The following C10orf90 variants were observed in gnomAD, a reference collection of about 807,000 sequenced individuals.
The protein encoded by C10orf90 is (E2-independent) E3 ubiquitin-conjugating enzyme FATS.
In C10orf90, 56 loss-of-function variants were observed where a neutral mutation model predicts 62.5. That is an observed-to-expected ratio of 0.90 (90% CI 0.72 to 1.12). The LOEUF (loss-of-function observed/expected upper bound fraction) is 1.12, where lower values mean the gene tolerates loss of function less well. Among genes scored for constraint, C10orf90 ranks in the 50% most tolerant of loss-of-function variants. The pLI is 0.00. For missense variants in C10orf90, 970 were observed against 880.4 expected (o/e 1.10, Z -1.29); for synonymous variants, 386 against 340.4 (o/e 1.13, Z -1.47).
intron 2 of C10orf90, among the ~76,000 whole-genome samples, chr10:126,527,866 A>G (rs1445539033): frequency 6.6e-6 from 1 of 152,248 alleles, no homozygotes; most frequent in Non-Finnish European, 1.5e-5. Context: ...TGGTCCAGGT[A>G]TCAAAGTCAC....
chr10:126,640,292 G>C (rs1380867550), intron 2 of C10orf90, among the ~76,000 whole-genome samples: 2 of 152,348 alleles, frequency 1.3e-5, no homozygotes, highest in East Asian at 3.9e-4. Flanking sequence ...GTTGCTCAAA[G>C]CTCTTGAAGA....
In C10orf90 at chr10:126,606,198, C is replaced by T. The variant is rs372912896; in HGVS notation, c.313+40367G>A. Reference sequence around the variant, plus strand: ...CAAGACAATACCCTCAGGAATTGTACTGATGCATTAATTAAACGAATGATT... The same window carrying T: ...CAAGACAATACCCTCAGGAATTGTATTGATGCATTAATTAAACGAATGATT... On this transcript the variant is annotated intron_variant, in intron 2 of 9. Transcript: ENST00000488181. 5.3e-5 allele frequency among the ~76,000 whole-genome samples: 8 copies of T among 152,240 alleles called. No homozygotes were observed. The South Asian group carries it at 1.2e-3, about 24-fold the overall frequency.
At chr10:126,595,332 T>C (rs1243001687) in intron 2 of C10orf90, among the ~76,000 whole-genome samples, 1 of 152,218 alleles carries the variant, frequency 6.6e-6, no homozygotes, top group East Asian at 1.9e-4. Flanking sequence ...GTTGGGCTTT[T>C]CCACTGAGAT....
intron 2 of C10orf90, among the ~76,000 whole-genome samples, chr10:126,522,389 T>A (rs977120502): frequency 2.0e-5 from 3 of 152,238 alleles, no homozygotes; most frequent in African/African-American, 7.2e-5. Flanking sequence ...ACTTATTGCC[T>A]TTCCAATGAA....
intron 2 of C10orf90, among the ~76,000 whole-genome samples, chr10:126,604,236 C>T (rs1272839240): frequency 2.6e-5 from 4 of 152,180 alleles, no homozygotes; most frequent in South Asian, 4.1e-4. Flanking sequence ...CTGCCGGACT[C>T]ATTCTCAGTC....
intron 4 of C10orf90, chr10:126,469,917 G>A (rs774345222): frequency 7.7e-5 from 35 of 456,664 alleles, no homozygotes; most frequent in Non-Finnish European, 1.5e-4. Flanking sequence ...AGAGGCTGCT[G>A]CAGAGGGGAA....
chr10:126,611,956 A>C (rs1322133674), intron 2 of C10orf90, among the ~76,000 whole-genome samples: 4 of 152,158 alleles, frequency 2.6e-5, no homozygotes, highest in Non-Finnish European at 5.9e-5. Flanking sequence ...TTAAACTTTA[A>C]ATTTATTTTA....
At chr10:126,644,793 G>C (rs1020262771) in intron 2 of C10orf90, among the ~76,000 whole-genome samples, 35 of 152,336 alleles carry the variant, frequency 2.3e-4, no homozygotes, top group African/African-American at 8.2e-4. Flanking sequence ...CCACCTCTGA[G>C]TGCTCTGAGG....
chr10:126,609,972 G>A (rs944009379), intron 2 of C10orf90, among the ~76,000 whole-genome samples: 1 of 152,156 alleles, frequency 6.6e-6, no homozygotes, highest in African/African-American at 2.4e-5. Context: ...CCTGTACCTG[G>A]AGCCTTCCCA....
At chr10:126,517,101 T>C (rs1326276619) in intron 2 of C10orf90, among the ~76,000 whole-genome samples, 1 of 152,116 alleles carries the variant, frequency 6.6e-6, no homozygotes, top group Admixed American at 6.6e-5. Context: ...ATGAACATCT[T>C]TGGGGGTGGA....
intron 2 of C10orf90, among the ~76,000 whole-genome samples, chr10:126,627,883 C>T (rs1010576191): frequency 2.0e-5 from 3 of 152,148 alleles, no homozygotes. Flanking sequence ...CCTCTGTGCC[C>T]GGCTATAAAG....
chr10:126,547,086 G>A (rs1864510540), intron 2 of C10orf90, among the ~76,000 whole-genome samples: 1 of 151,972 alleles, frequency 6.6e-6, no homozygotes, highest in South Asian at 2.1e-4. Flanking sequence ...TCCAGACTGG[G>A]CAACAGAGCG....
chr10:126,662,871 C>T (rs977842511), intron 1 of C10orf90, among the ~76,000 whole-genome samples: 16 of 151,544 alleles, frequency 1.1e-4, no homozygotes, highest in Middle Eastern at 3.4e-3. Context: ...TGGGTGCCTC[C>T]GTGCATTCTT....
chr10:126,574,114 C>G (rs1564878114), intron 2 of C10orf90, among the ~76,000 whole-genome samples: 1 of 152,122 alleles, frequency 6.6e-6, no homozygotes, highest in African/African-American at 2.4e-5. Context: ...TGAGGATGCC[C>G]TTCAATGCAA....
intron 2 of C10orf90, among the ~76,000 whole-genome samples, chr10:126,596,386 AAAC>A (rs1391106685): frequency 6.6e-6 from 1 of 151,752 alleles, no homozygotes; most frequent in Non-Finnish European, 1.5e-5. Context: ...TAAAAAAAAA[AAAC>A]AACAACAAAC....
chr10:126,431,318 G>C (rs980612971), intron 7 of C10orf90, among the ~76,000 whole-genome samples: 4 of 152,120 alleles, frequency 2.6e-5, no homozygotes, highest in Non-Finnish European at 4.4e-5. Context: ...CCTACACTAG[G>C]TATGAGGCCT....
chr10:126,606,307 G>A (rs1221977523), intron 2 of C10orf90, among the ~76,000 whole-genome samples: 1 of 152,172 alleles, frequency 6.6e-6, no homozygotes, highest in Non-Finnish European at 1.5e-5. Flanking sequence ...AATGATTTGG[G>A]TTTCAAAACA....
intron 1 of C10orf90, among the ~76,000 whole-genome samples, chr10:126,648,113 A>G (rs1295769388): frequency 6.6e-6 from 1 of 151,914 alleles, no homozygotes; most frequent in Admixed American, 6.6e-5. Context: ...TGCTGTTTTT[A>G]AAAGGGCTTA....
At chr10:126,544,633 T>G (rs1864450303) in intron 2 of C10orf90, among the ~76,000 whole-genome samples, 1 of 151,968 alleles carries the variant, frequency 6.6e-6, no homozygotes, top group Non-Finnish European at 1.5e-5. Context: ...AAAGATTATG[T>G]TAAATGAATA....
Sources: allele counts gnomAD v4.1 joint callset (sites outside exome capture counted in the v4.1 genomes callset), GRCh38; gene constraint gnomAD v4.1.1; transcripts MANE v1.5; gene names NCBI Gene and HGNC (gene_info 2026-07-23, HGNC 2026-07-21).